The following TCF12 variants were observed in gnomAD, a reference collection of about 807,000 sequenced individuals.
The protein encoded by TCF12 is transcription factor 12.
In TCF12, 45 loss-of-function variants were observed where a neutral mutation model predicts 86.0. The ratio of observed to expected loss-of-function variants is 0.52; its 90% confidence interval spans 0.41 to 0.67. The LOEUF (loss-of-function observed/expected upper bound fraction) is 0.67, where lower values mean the gene tolerates loss of function less well. Among genes scored for constraint, TCF12 ranks in the 30% least tolerant of loss-of-function variants. The pLI, the probability that TCF12 is intolerant of heterozygous loss-of-function variation, is 0.00. For synonymous variants in TCF12, 330 were observed against 299.6 expected (o/e 1.10, Z -1.05); for missense variants, 881 against 859.9 (o/e 1.02, Z -0.31).
At chr15:57,129,188 A>G (rs549228196) in intron 5 of TCF12, among the ~76,000 whole-genome samples, 2 of 152,350 alleles carry the variant, frequency 1.3e-5, no homozygotes, top group South Asian at 2.1e-4. Context: ...ATCTTTGCCA[A>G]CATGCGTCTG....
chr15:57,207,874 A>G (rs556122159), intron 8 of TCF12, among the ~76,000 whole-genome samples: 15 of 152,114 alleles, frequency 9.9e-5, no homozygotes, highest in Non-Finnish European at 1.9e-4. Context: ...CTTATTTGCT[A>G]CTAGTATGGG....
intron 8 of TCF12, among the ~76,000 whole-genome samples, chr15:57,209,703 A>T (rs1220931886): frequency 6.6e-6 from 1 of 152,166 alleles, no homozygotes; most frequent in African/African-American, 2.4e-5. Context: ...TTTAAAATCT[A>T]GGTCAGATCA....
At chr15:57,061,716 A>G (rs2068469284) in intron 3 of TCF12, among the ~76,000 whole-genome samples, 1 of 152,240 alleles carries the variant, frequency 6.6e-6, no homozygotes, top group Admixed American at 6.5e-5. Flanking sequence ...TTTCATCAGG[A>G]CAAGATTCAT....
intron 3 of TCF12, among the ~76,000 whole-genome samples, chr15:56,992,887 G>A (rs1318912169): frequency 6.6e-6 from 1 of 152,156 alleles, no homozygotes; most frequent in Non-Finnish European, 1.5e-5. Context: ...TGAGAATTGA[G>A]CAACTGAGAA....
chr15:57,264,411 G>T (rs1441913283), intron 18 of TCF12, among the ~76,000 whole-genome samples: 1 of 151,536 alleles, frequency 6.6e-6, no homozygotes, highest in Non-Finnish European at 1.5e-5. Flanking sequence ...ATGTTGGCCA[G>T]GCAGGTCTGG....
intron 6 of TCF12, among the ~76,000 whole-genome samples, chr15:57,177,740 G>T (rs2056055764): frequency 1.3e-5 from 2 of 150,952 alleles, no homozygotes; most frequent in African/African-American, 4.9e-5. Context: ...TTTATTTTGT[G>T]AAACAGATCT....
chr15:56,997,203 G>C (rs201529801), intron 3 of TCF12, among the ~76,000 whole-genome samples: 2 of 152,338 alleles, frequency 1.3e-5, no homozygotes, highest in East Asian at 3.9e-4. Context: ...CTTCACAAGA[G>C]CAAAGACATG....
chr15:57,118,287 G>A (rs538677511), intron 5 of TCF12: 1 of 152,164 alleles, frequency 6.6e-6, no homozygotes, highest in African/African-American at 2.4e-5. Flanking sequence ...CATTAGGAAA[G>A]AATTTTGTCT....
At chr15:56,919,431 C>G (rs2059662109) in intron 1 of TCF12, 2 of 152,580 alleles carry the variant, frequency 1.3e-5, no homozygotes, top group South Asian at 4.1e-4. Flanking sequence ...GCGGCGCGTT[C>G]CCTGCAACTT....
intron 5 of TCF12, among the ~76,000 whole-genome samples, chr15:57,092,225 C>CT (rs1245864812): frequency 2.0e-5 from 3 of 152,258 alleles, no homozygotes; most frequent in South Asian, 4.1e-4. Flanking sequence ...TACTATTTCT[C>CT]TTAACAGTTG....
intron 3 of TCF12, among the ~76,000 whole-genome samples, chr15:57,019,587 T>C (rs1339406622): frequency 1.3e-5 from 2 of 152,062 alleles, no homozygotes; most frequent in Non-Finnish European, 2.9e-5. Context: ...GGAAAAACGG[T>C]CTTCATGTGC....
chr15:57,002,997 C>G lies in TCF12; in HGVS notation c.149-60753C>G, dbSNP rs530794675. Among the ~76,000 whole-genome samples the G allele has an allele frequency of 6.6e-5, 10 of 152,286 alleles. No individual in the cohort carries two copies. The South Asian group carries it at 2.1e-3, about 32-fold the overall frequency. On this transcript the variant is annotated intron_variant, in intron 3 of 20. Transcript: ENST00000333725. ...GTACATCTTTCATAGTATGCCACTA[C>G]TAGGTTAACAGCAAACTTAGAAAAA...
At chr15:57,264,929 C>T (rs1483853724) in intron 18 of TCF12, among the ~76,000 whole-genome samples, 1 of 151,986 alleles carries the variant, frequency 6.6e-6, no homozygotes. Context: ...GGGATTTCGC[C>T]ATGTTGGCCA....
Position 57,239,985 on chromosome 15 carries a change from A to G in TCF12, c.1036-3487A>G, listed in dbSNP as rs142610284. 4.6e-5 allele frequency among the ~76,000 whole-genome samples: 7 copies of G among 152,336 alleles called. No individual in the cohort carries two copies. The East Asian group carries it at 1.3e-3, about 29-fold the overall frequency. On this transcript the variant is annotated intron_variant, in intron 12 of 20. Coordinates refer to ENST00000333725, the MANE Select transcript of TCF12 (RefSeq NM_207037.2). ...TAGTTGATATTTGACAAAGAATACT[A>G]TTACCAAGAGATAAAGCACAGGGAA... is the stretch of plus-strand genomic sequence containing the variant.
intron 4 of TCF12, among the ~76,000 whole-genome samples, chr15:57,078,262 A>G (rs948632250): frequency 6.6e-6 from 1 of 152,164 alleles, no homozygotes; most frequent in Admixed American, 6.5e-5. Flanking sequence ...AACTATTCAT[A>G]CAAAACCCAG....
At chr15:56,924,210 T>C (rs1388985794) in intron 3 of TCF12, among the ~76,000 whole-genome samples, 1 of 152,166 alleles carries the variant, frequency 6.6e-6, no homozygotes, top group Non-Finnish European at 1.5e-5. Context: ...CCTGCAATAA[T>C]AGCACCTTGA....
intron 3 of TCF12, among the ~76,000 whole-genome samples, chr15:57,015,479 A>G: frequency 6.6e-6 from 1 of 152,120 alleles, no homozygotes; most frequent in Non-Finnish European, 1.5e-5. Context: ...CCATTTTTGT[A>G]GCCATTGCTC....
At chr15:57,050,987 C>G (rs2067573569) in intron 3 of TCF12, among the ~76,000 whole-genome samples, 1 of 152,124 alleles carries the variant, frequency 6.6e-6, no homozygotes, top group South Asian at 2.1e-4. Flanking sequence ...CTTTGTCATC[C>G]TCGGATATGT....
intron 3 of TCF12, among the ~76,000 whole-genome samples, chr15:57,010,334 G>C (rs1159253543): frequency 2.0e-5 from 3 of 152,132 alleles, no homozygotes; most frequent in South Asian, 4.2e-4. Context: ...GATTGCTTGA[G>C]GCCAGGAGTT....
Sources: gnomAD v4.1 joint callset for allele counts (sites outside exome capture counted in the v4.1 genomes callset) on GRCh38, gnomAD v4.1.1 for gene constraint, MANE v1.5 for transcripts, NCBI Gene and HGNC (gene_info 2026-07-23, HGNC 2026-07-21) for gene names.